Variants in SLC24A2 observed in about 807,000 individuals in gnomAD.
SLC24A2 encodes solute carrier family 24 member 2, also known as sodium/potassium/calcium exchanger 2.
SLC24A2 carries 36 observed loss-of-function variants against 62.0 expected under a neutral mutation model. The observed-to-expected ratio is 0.58, with a 90% CI of 0.44 to 0.77. The LOEUF is 0.77. Among genes scored for constraint, SLC24A2 ranks in the 30% least tolerant of loss-of-function variants. The pLI is 0.00. For missense variants in SLC24A2, 846 were observed against 817.9 expected (o/e 1.03, Z -0.42); for synonymous variants, 358 against 294.0 (o/e 1.22, Z -2.23).
chr9:19,926,295 C>T, the SLC24A2 span: 2 of 152,262 alleles, frequency 1.3e-5, no homozygotes, highest in Non-Finnish European at 2.9e-5. Flanking sequence ...TCTCTGTTTC[C>T]TTTTCGCTCC....
At chr9:20,268,830 T>C in the SLC24A2 span, among the ~76,000 whole-genome samples, 23 of 152,262 alleles carry the variant, frequency 1.5e-4, no homozygotes, top group Admixed American at 1.3e-3. Context: ...TTGCAGGCAG[T>C]CTCTGGCCCA....
the SLC24A2 span, among the ~76,000 whole-genome samples, chr9:20,084,438 CCTTT>C: frequency 2.0e-5 from 3 of 151,922 alleles, no homozygotes; most frequent in Non-Finnish European, 4.4e-5. Flanking sequence ...CTCCTTTCTT[CCTTT>C]CTTCCTTCCT....
the SLC24A2 span, among the ~76,000 whole-genome samples, chr9:20,112,565 G>A: frequency 1.3e-5 from 2 of 152,076 alleles, no homozygotes; most frequent in Non-Finnish European, 2.9e-5. Flanking sequence ...TATAGCTTGG[G>A]TTTAAACCTA....
Position 19,630,609 on chromosome 9 carries a change from T to C in SLC24A2, c.931-8310A>G, listed in dbSNP as rs138556176. Among the ~76,000 whole-genome samples the C allele has an allele frequency of 6.3e-3, 953 of 152,176 alleles. 6 individuals carry two copies. The highest frequency in any genetic ancestry group is 9.4e-3 in the Non-Finnish European group (639 of 68,018). On this transcript the variant is annotated intron_variant, in intron 2 of 10. Coordinates refer to ENST00000341998, the MANE Select transcript of SLC24A2 (RefSeq NM_020344.4). Reference sequence around the variant, plus strand: ...CTTCACCACGTTTTAACTTCCGATCTCAGAAATATCAACGGTACCATATCA... The same window carrying C: ...CTTCACCACGTTTTAACTTCCGATCCCAGAAATATCAACGGTACCATATCA...
At chr9:19,922,223 A>T in the SLC24A2 span, among the ~76,000 whole-genome samples, 1 of 152,188 alleles carries the variant, frequency 6.6e-6, no homozygotes, top group African/African-American at 2.4e-5. Flanking sequence ...CATCTTCCTA[A>T]GTATGAAATA....
At chr9:20,005,891 A>G in the SLC24A2 span, among the ~76,000 whole-genome samples, 1 of 151,604 alleles carries the variant, frequency 6.6e-6, no homozygotes, top group East Asian at 1.9e-4. Context: ...CAGAAAAGAA[A>G]CAAGTTTATT....
At chr9:19,587,329 T>C (rs1274664360) in intron 5 of SLC24A2, among the ~76,000 whole-genome samples, 1 of 152,232 alleles carries the variant, frequency 6.6e-6, no homozygotes, top group Admixed American at 6.5e-5. Flanking sequence ...TTGGCTAACA[T>C]GTATTCAGTA....
At chr9:20,267,241 A>G in the SLC24A2 span, among the ~76,000 whole-genome samples, 2 of 152,242 alleles carry the variant, frequency 1.3e-5, no homozygotes, top group Non-Finnish European at 2.9e-5. Flanking sequence ...AAAGATATTT[A>G]CATCATATAG....
chr9:20,062,540 A>G, the SLC24A2 span, among the ~76,000 whole-genome samples: 1,228 of 137,484 alleles, frequency 8.9e-3, 43 homozygotes, highest in African/African-American at 0.033. Context: ...TAAAAACCCT[A>G]GAAGAAAACC....
chr9:20,214,217 G>A, the SLC24A2 span, among the ~76,000 whole-genome samples: 1 of 152,170 alleles, frequency 6.6e-6, no homozygotes, highest in African/African-American at 2.4e-5. Flanking sequence ...GGAAGGTGGG[G>A]AGCTACTACT....
the SLC24A2 span, among the ~76,000 whole-genome samples, chr9:20,204,590 G>C: frequency 6.6e-6 from 1 of 152,144 alleles, no homozygotes; most frequent in Non-Finnish European, 1.5e-5. Context: ...GGGAGGTAAA[G>C]CTGCTGGCAC....
the SLC24A2 span, among the ~76,000 whole-genome samples, chr9:20,282,935 T>G: frequency 6.6e-6 from 1 of 152,336 alleles, no homozygotes; most frequent in East Asian, 1.9e-4. Flanking sequence ...CTCTGATTAT[T>G]TCTTTATGAT....
the SLC24A2 span, among the ~76,000 whole-genome samples, chr9:20,016,421 T>C: frequency 2.6e-5 from 4 of 152,204 alleles, no homozygotes; most frequent in African/African-American, 4.8e-5. Context: ...ATTAACTGCA[T>C]TGGTAAAATG....
At chr9:20,089,016 C>T in the SLC24A2 span, among the ~76,000 whole-genome samples, 1 of 152,198 alleles carries the variant, frequency 6.6e-6, no homozygotes, top group East Asian at 1.9e-4. Context: ...CATAGCTTCT[C>T]ACTGGGTGGG....
At chr9:19,771,633 G>A (rs1280974535) in intron 2 of SLC24A2, among the ~76,000 whole-genome samples, 5 of 152,148 alleles carry the variant, frequency 3.3e-5, no homozygotes, top group African/African-American at 9.7e-5. Context: ...AGCTAGAAAC[G>A]AGAGCGAGGA....
the SLC24A2 span, among the ~76,000 whole-genome samples, chr9:19,818,908 G>T: frequency 1.9e-4 from 29 of 152,086 alleles, no homozygotes; most frequent in Non-Finnish European, 4.1e-4. Flanking sequence ...TAAGCAAAAA[G>T]AACAAATCTG....
At chr9:19,776,532 T>C (rs139794159) in intron 2 of SLC24A2, among the ~76,000 whole-genome samples, 3 of 152,286 alleles carry the variant, frequency 2.0e-5, no homozygotes, top group Middle Eastern at 3.4e-3. Flanking sequence ...CCAGGATAGT[T>C]TTCCTTGTCA....
At chr9:19,638,757 G>A (rs529584268) in intron 2 of SLC24A2, among the ~76,000 whole-genome samples, 3 of 152,116 alleles carry the variant, frequency 2.0e-5, no homozygotes, top group East Asian at 3.9e-4. Flanking sequence ...ATCTCAGAGG[G>A]TTGTTTAATC....
the SLC24A2 span, among the ~76,000 whole-genome samples, chr9:19,828,968 T>C: frequency 3.9e-5 from 6 of 152,132 alleles, no homozygotes; most frequent in African/African-American, 1.4e-4. Flanking sequence ...ATGGACACCC[T>C]GCAGCCCTCT....
Sources: gnomAD v4.1 joint callset for allele counts (sites outside exome capture counted in the v4.1 genomes callset) on GRCh38, gnomAD v4.1.1 for gene constraint, MANE v1.5 for transcripts, NCBI Gene and HGNC (gene_info 2026-07-23, HGNC 2026-07-21) for gene names.